TXNDC8: variants seen among roughly 807,000 people sequenced by gnomAD.
TXNDC8 encodes the protein thioredoxin domain-containing protein 8.
Under a neutral mutation model 12.9 loss-of-function variants are expected in TXNDC8, and 15 were observed. That is an observed-to-expected ratio of 1.16 (90% CI 0.78 to 1.79). The LOEUF (loss-of-function observed/expected upper bound fraction) is 1.79, where lower values mean the gene tolerates loss of function less well. Ranked by LOEUF, TXNDC8 falls within the 40% of genes most tolerant of loss-of-function variation. The probability of loss-of-function intolerance (pLI) is 0.00; values close to 1 mark genes in which losing one functional copy is unlikely to be tolerated. For missense variants in TXNDC8, 128 were observed against 113.2 expected (o/e 1.13, Z -0.59); for synonymous variants, 40 against 35.4 (o/e 1.13, Z -0.46).
At chr9:110,320,873 T>C (rs1373524887) in intron 3 of TXNDC8, among the ~76,000 whole-genome samples, 1 of 152,210 alleles carries the variant, frequency 6.6e-6, no homozygotes, top group Non-Finnish European at 1.5e-5. Context: ...ATGAAAACAC[T>C]AAGGAGTACA....
intron 4 of TXNDC8, 78 bp downstream of exon 5, chr9:110,304,389 G>T (rs923860339): frequency 4.5e-6 from 6 of 1,330,416 alleles, no homozygotes; most frequent in Non-Finnish European, 6.4e-6. Flanking sequence ...GCAGCATTCT[G>T]CCTGAGTGTG....
intron 3 of TXNDC8, among the ~76,000 whole-genome samples, chr9:110,311,521 G>GGTATA (rs1491185921): frequency 1.6e-3 from 67 of 41,244 alleles, no homozygotes; most frequent in African/African-American, 3.7e-3. Flanking sequence ...AAATAAAGAG[G>GGTATA]TATATATATA....
At position 110,326,154 on chromosome 9, in the gene TXNDC8, C is replaced by A. The variant is rs772482748; in HGVS notation, c.195+21G>T. On this transcript the variant is annotated intron_variant, in intron 3 of 4. Coordinates refer to ENST00000423740, the MANE Select transcript of TXNDC8 (RefSeq NM_001286946.2). ...GGTTCTATAATCTAATTCAACCCTGCTGGTTACCCTGGAAACATACCTTCT... is the reference window on the plus strand; with the variant it reads ...GGTTCTATAATCTAATTCAACCCTGATGGTTACCCTGGAAACATACCTTCT... 1.9e-6 allele frequency: 3 copies of A among 1,613,754 alleles called. No individual in the cohort carries two copies. In the Admixed American group the frequency reaches 5.0e-5, roughly 27 times the overall value.
chr9:110,316,021 C>T (rs1838874298), intron 3 of TXNDC8, among the ~76,000 whole-genome samples: 1 of 151,870 alleles, frequency 6.6e-6, no homozygotes. Context: ...CCTCACACTC[C>T]TGAGTAGCTG....
chr9:110,333,187 C>T (rs1839609138), intron 2 of TXNDC8, among the ~76,000 whole-genome samples: 1 of 152,140 alleles, frequency 6.6e-6, no homozygotes. Flanking sequence ...CAGTCTACAG[C>T]CTGTTAGGAA....
At chr9:110,321,669 T>C (rs1839099008) in intron 3 of TXNDC8, among the ~76,000 whole-genome samples, 1 of 151,358 alleles carries the variant, frequency 6.6e-6, no homozygotes, top group South Asian at 2.1e-4. Flanking sequence ...TTGATTTTTC[T>C]TGACCCACCA....
chr9:110,324,019 A>T (rs1408766696), intron 3 of TXNDC8: 36 of 1,548,188 alleles, frequency 2.3e-5, no homozygotes, highest in Non-Finnish European at 3.1e-5. Flanking sequence ...AGTACATGGG[A>T]TAAGAATGCA....
downstream of TXNDC8, among the ~76,000 whole-genome samples, chr9:110,302,459 C>T (rs1330320672): frequency 6.6e-6 from 1 of 152,178 alleles, no homozygotes; most frequent in Non-Finnish European, 1.5e-5. Context: ...TCTAAAAAAG[C>T]ATATGGAGCC....
chr9:110,334,254 G>C lies in TXNDC8; in HGVS notation c.91C>G (p.Arg31Gly), dbSNP rs370777037. Residue 31 changes from arginine (R) to glycine (G), a missense_variant, in exon 2 of 5, where the codon CGG (arginine) becomes GGG (glycine). By Grantham distance (125) the Arg-to-Gly change is moderately radical. Coordinates refer to ENST00000423740, the MANE Select transcript of TXNDC8 (RefSeq NM_001286946.2). ...AACATCCTTTTGCAGGGACCACACC[G>C]TTTCGAAGAAAATTGAACCACTGCG... 1.2e-6 allele frequency: 2 copies of C among 1,613,628 alleles called. No individual in the cohort carries two copies. The highest frequency in any genetic ancestry group is 1.7e-6 in the Non-Finnish European group (2 of 1,179,722).
intron 3 of TXNDC8, among the ~76,000 whole-genome samples, chr9:110,307,896 T>G (rs1433409265): frequency 1.3e-5 from 2 of 152,228 alleles, no homozygotes; most frequent in Non-Finnish European, 2.9e-5. Flanking sequence ...CTAACCGTCT[T>G]GGGCACATAG....
intron 3 of TXNDC8, among the ~76,000 whole-genome samples, chr9:110,306,326 G>GAA (rs1838467034): frequency 6.6e-6 from 1 of 152,118 alleles, no homozygotes; most frequent in African/African-American, 2.4e-5. Context: ...GTTTTACCTT[G>GAA]GTCAGCTTTC....
chr9:110,307,797 G>T (rs2118709471), intron 3 of TXNDC8, among the ~76,000 whole-genome samples: 1 of 152,242 alleles, frequency 6.6e-6, no homozygotes, highest in Non-Finnish European at 1.5e-5. Context: ...GCTTCAAGTT[G>T]TCCTGCCTTT....
intron 3 of TXNDC8, among the ~76,000 whole-genome samples, chr9:110,314,724 G>T (rs1248469085): frequency 6.6e-6 from 1 of 152,024 alleles, no homozygotes. Context: ...GAGCCACCGC[G>T]CCCGGCCAGC....
At chr9:110,305,553 T>TCTTC (rs1269574397) in intron 3 of TXNDC8, among the ~76,000 whole-genome samples, 1 of 73,026 alleles carries the variant, frequency 1.4e-5, no homozygotes, top group African/African-American at 6.1e-5. Context: ...TCTTTTTCTT[T>TCTTC]CTTTCTTTCT....
chr9:110,331,632 A>ATT (rs113644554), intron 2 of TXNDC8, among the ~76,000 whole-genome samples: 3 of 152,002 alleles, frequency 2.0e-5, no homozygotes, highest in Non-Finnish European at 2.9e-5. Context: ...CATGGAAGAC[A>ATT]TTTTTTTCCC....
rs576395399 is a variant in TXNDC8 at position 110,316,382 on chromosome 9, T to C, written c.195+9793A>G. Among the ~76,000 whole-genome samples the C allele has an allele frequency of 2.0e-5, 3 of 152,304 alleles. No homozygotes were observed. The South Asian group carries it at 6.2e-4, about 32-fold the overall frequency. On this transcript the variant is annotated intron_variant, in intron 3 of 4. Coordinates refer to ENST00000423740, the MANE Select transcript of TXNDC8 (RefSeq NM_001286946.2). ...AGAGGTGAGCAACATTAATTACTGT[T>C]TGATCCTATCTGGGCCCCTTTCTCT...
intron 4 of TXNDC8, among the ~76,000 whole-genome samples, chr9:110,304,073 A>C (rs1383938602): frequency 6.6e-6 from 1 of 152,238 alleles, no homozygotes; most frequent in Non-Finnish European, 1.5e-5. Context: ...AATGCATTTC[A>C]TAGTGGATGG....
At position 110,309,684 on chromosome 9, in the gene TXNDC8, T is replaced by G. The variant is rs1376961731; in HGVS notation, c.196-5152A>C. On this transcript the variant is annotated intron_variant, in intron 3 of 4. Coordinates refer to ENST00000423740, the MANE Select transcript of TXNDC8 (RefSeq NM_001286946.2). ...TTATCCAGGAAACACATATAAGGGC[T>G]GATTACCTAGTGTTTTGAGCCCTCT... Among the ~76,000 whole-genome samples, 3 of 152,350 alleles carry G rather than the reference T, an allele frequency of 2.0e-5. No individual in the cohort carries two copies. The East Asian group carries it at 5.8e-4, about 29-fold the overall frequency.
At chr9:110,314,328 C>T (rs1019179029) in intron 3 of TXNDC8, among the ~76,000 whole-genome samples, 4 of 152,198 alleles carry the variant, frequency 2.6e-5, no homozygotes, top group Non-Finnish European at 5.9e-5. Flanking sequence ...CTCTCACCAC[C>T]TGGGCACATG....
Sources: allele counts gnomAD v4.1 joint callset (sites outside exome capture counted in the v4.1 genomes callset), GRCh38; gene constraint gnomAD v4.1.1; transcripts MANE v1.5; gene names NCBI Gene and HGNC (gene_info 2026-07-23, HGNC 2026-07-21).